The following MALRD1 variants were observed in gnomAD, a reference collection of about 807,000 sequenced individuals.
The protein encoded by MALRD1 is MAM and LDL-receptor class A domain-containing protein 1.
A neutral mutation model predicts 242.1 loss-of-function variants in MALRD1; 247 were observed. The observed-to-expected ratio is 1.02, with a 90% CI of 0.92 to 1.13. MALRD1 has a LOEUF of 1.13. Among genes scored for constraint, MALRD1 ranks in the 50% most tolerant of loss-of-function variants. The pLI, the probability that MALRD1 is intolerant of heterozygous loss-of-function variation, is 0.00. For missense variants in MALRD1, 2,989 were observed against 2,533.1 expected (o/e 1.18, Z -3.86); for synonymous variants, 995 against 866.6 (o/e 1.15, Z -2.60).
chr10:19,292,102 A>G (rs1239404317), intron 21 of MALRD1, among the ~76,000 whole-genome samples: 1 of 141,976 alleles, frequency 7.0e-6, no homozygotes, highest in Non-Finnish European at 1.6e-5. Context: ...AAAAAAAAAA[A>G]TCAAATTTGT....
intron 28 of MALRD1, among the ~76,000 whole-genome samples, chr10:19,436,448 G>A (rs2130965103): frequency 6.6e-6 from 1 of 152,168 alleles, no homozygotes; most frequent in South Asian, 2.1e-4. Flanking sequence ...TGAGAAACCT[G>A]GTTTCTATAT....
At chr10:19,592,869 A>G (rs181166315) in intron 33 of MALRD1, among the ~76,000 whole-genome samples, 2 of 152,120 alleles carry the variant, frequency 1.3e-5, no homozygotes, top group African/African-American at 4.8e-5. Flanking sequence ...TTTTAAAAAG[A>G]AAAGGTTAAT....
chr10:19,267,154 A>C (rs1211870969), intron 19 of MALRD1, among the ~76,000 whole-genome samples: 1 of 152,094 alleles, frequency 6.6e-6, no homozygotes, highest in East Asian at 1.9e-4. Context: ...CAAATTGAAA[A>C]ATAATTTATG....
Position 19,206,203 on chromosome 10 carries a change from A to G in MALRD1, c.2578+938A>G, listed in dbSNP as rs981383019. 5.9e-5 allele frequency among the ~76,000 whole-genome samples: 9 copies of G among 152,208 alleles called. No homozygotes were observed. In the East Asian group the frequency reaches 1.2e-3, roughly 20 times the overall value. On this transcript the variant is annotated intron_variant, in intron 17 of 39. Coordinates refer to ENST00000454679, the MANE Select transcript of MALRD1 (RefSeq NM_001142308.3). The stretch of plus-strand genomic sequence containing the variant: ...AGTAGAAATGTAAAATGCTTACTAC[A>G]TCATAGAAAACATTAAGAAATTTCC...
intron 18 of MALRD1, among the ~76,000 whole-genome samples, chr10:19,243,843 C>A (rs536867363): frequency 6.6e-6 from 1 of 152,148 alleles, no homozygotes; most frequent in South Asian, 2.1e-4. Flanking sequence ...TCTGAAGAGG[C>A]TGAAAACAAA....
intron 36 of MALRD1, among the ~76,000 whole-genome samples, chr10:19,679,140 C>G (rs1324935429): frequency 6.6e-6 from 1 of 152,028 alleles, no homozygotes; most frequent in African/African-American, 2.4e-5. Context: ...GTATCTCTAC[C>G]AGGTTTTGGT....
In MALRD1 at chr10:19,125,330, T is replaced by C. The variant is rs367888023; in HGVS notation, c.943+660T>C. 2.3e-3 allele frequency among the ~76,000 whole-genome samples: 145 copies of C among 64,084 alleles called. 1 individual carries two copies. The highest frequency in any genetic ancestry group is 5.9e-3 in the South Asian group (9 of 1,522). The allele number at this position is 64,084 out of a possible 152,430, so 42.0% of individuals were successfully genotyped here. ...CCTTCCTTCCTTCCTTCCTTCTTTCTTTCTTTCTTTCTTTCTTTCTTTCTT... is the reference window on the plus strand; with the variant it reads ...CCTTCCTTCCTTCCTTCCTTCTTTCCTTCTTTCTTTCTTTCTTTCTTTCTT... On this transcript the variant is annotated intron_variant, in intron 7 of 39. Transcript: ENST00000454679.
intron 21 of MALRD1, among the ~76,000 whole-genome samples, chr10:19,321,108 G>A (rs1970176): frequency 0.73 from 110,514 of 151,922 alleles, 40,409 homozygotes; most frequent in African/African-American, 0.78. Context: ...TTTAGTTGCA[G>A]TTGCTTTTGG....
intron 29 of MALRD1, among the ~76,000 whole-genome samples, chr10:19,460,384 A>G (rs1013070276): frequency 6.6e-6 from 1 of 152,172 alleles, no homozygotes; most frequent in Non-Finnish European, 1.5e-5. Context: ...AGCCAGGACT[A>G]GAAACCAATT....
At position 19,345,933 on chromosome 10, in the gene MALRD1, T is replaced by C. The variant is rs184527278; in HGVS notation, c.3902-1838T>C. On this transcript the variant is annotated intron_variant, in intron 24 of 39. Transcript: ENST00000454679. ...ACGATGGTAAAACTCGTATGTTTTC[T>C]TTTTTAATTTTTAAAATTTAATTTA... is the stretch of plus-strand genomic sequence containing the variant. Among the ~76,000 whole-genome samples, 745 of 152,192 alleles carry C rather than the reference T, an allele frequency of 4.9e-3. 9 individuals are homozygous for C. In the South Asian group the frequency reaches 0.05, roughly 10 times the overall value.
At chr10:19,104,267 T>C (rs536468657) in intron 5 of MALRD1, among the ~76,000 whole-genome samples, 192 bp downstream of exon 5, 1 of 152,318 alleles carries the variant, frequency 6.6e-6, no homozygotes, top group Non-Finnish European at 1.5e-5. Flanking sequence ...TTTCACTGAC[T>C]GATGCTGTAA....
intron 26 of MALRD1, among the ~76,000 whole-genome samples, chr10:19,383,900 G>A (rs143618884): frequency 2.1e-4 from 32 of 151,950 alleles, no homozygotes; most frequent in African/African-American, 4.3e-4. Context: ...ATTAAAGTGC[G>A]GTGAGTGCTA....
chr10:19,292,340 G>T (rs1446859465), intron 21 of MALRD1, among the ~76,000 whole-genome samples: 1 of 151,994 alleles, frequency 6.6e-6, no homozygotes, highest in Non-Finnish European at 1.5e-5. Context: ...CCAATCTCAT[G>T]ATTACCTGGA....
chr10:19,320,168 A>G (rs1481876124), intron 21 of MALRD1, among the ~76,000 whole-genome samples: 1 of 147,636 alleles, frequency 6.8e-6, no homozygotes, highest in African/African-American at 2.5e-5. Context: ...CCCATCCTCT[A>G]GGTTTTAAGC....
chr10:19,101,594 A>G (rs1252690392), intron 4 of MALRD1, among the ~76,000 whole-genome samples: 3 of 134,758 alleles, frequency 2.2e-5, no homozygotes, highest in Admixed American at 1.6e-4. Context: ...TGTATATATA[A>G]TACATAATTT....
intron 10 of MALRD1, among the ~76,000 whole-genome samples, chr10:19,142,633 G>A (rs766716451): frequency 6.6e-5 from 10 of 152,106 alleles, no homozygotes; most frequent in African/African-American, 1.4e-4. Context: ...ATGGTGAAGC[G>A]TATTCTGTAA....
chr10:19,493,670 C>A (rs1379439322), intron 30 of MALRD1, among the ~76,000 whole-genome samples: 1 of 141,306 alleles, frequency 7.1e-6, no homozygotes, highest in East Asian at 2.0e-4. Context: ...AAAAATTAGC[C>A]GTTCCTGGTG....
At chr10:19,703,545 C>A (rs562336057) in intron 38 of MALRD1, among the ~76,000 whole-genome samples, 2 of 152,266 alleles carry the variant, frequency 1.3e-5, no homozygotes, top group Non-Finnish European at 2.9e-5. Context: ...TTCAAGAGTT[C>A]ATAGTAAAAG....
intron 19 of MALRD1, among the ~76,000 whole-genome samples, chr10:19,271,482 A>C (rs902823676): frequency 2.0e-5 from 3 of 152,184 alleles, no homozygotes; most frequent in African/African-American, 7.2e-5. Flanking sequence ...TTAAAATGTT[A>C]GGCCGGGTAC....
Sources: gnomAD v4.1 joint callset for allele counts (sites outside exome capture counted in the v4.1 genomes callset) on GRCh38, gnomAD v4.1.1 for gene constraint, MANE v1.5 for transcripts, NCBI Gene and HGNC (gene_info 2026-07-23, HGNC 2026-07-21) for gene names.